ADAM2: variants seen among roughly 807,000 people sequenced by gnomAD.
The protein encoded by ADAM2 is disintegrin and metalloproteinase domain-containing protein 2.
Under a neutral mutation model 99.3 loss-of-function variants are expected in ADAM2, and 101 were observed. The observed-to-expected ratio is 1.02, with a 90% confidence interval of 0.87 to 1.20. ADAM2 has a LOEUF of 1.20. Ranked by LOEUF, ADAM2 falls within the 50% of genes most tolerant of loss-of-function variation. ADAM2 has a pLI of 0.00. For synonymous variants in ADAM2, 323 were observed against 287.6 expected (o/e 1.12, Z -1.25); for missense variants, 948 against 878.7 (o/e 1.08, Z -1.00).
intron 3 of ADAM2, among the ~76,000 whole-genome samples, chr8:39,833,200 G>C (rs1239809956): frequency 6.6e-6 from 1 of 151,854 alleles, no homozygotes; most frequent in African/African-American, 2.4e-5. Flanking sequence ...AAGTAATTTT[G>C]AGTCTTTTTT....
chr8:39,780,023 C>G (rs1290754971), intron 10 of ADAM2, among the ~76,000 whole-genome samples: 2 of 151,962 alleles, frequency 1.3e-5, no homozygotes, highest in African/African-American at 4.8e-5. Flanking sequence ...TAAAGACATA[C>G]CCAAGACTGG....
rs1163870147 is a variant in ADAM2, at chr8:39,782,566, C to T, written c.891+4408G>A. 2.0e-5 allele frequency among the ~76,000 whole-genome samples: 3 copies of T among 152,006 alleles called. No individual in the cohort carries two copies. The East Asian group carries it at 5.8e-4, about 29-fold the overall frequency. On this transcript the variant is annotated intron_variant, in intron 10 of 20. Transcript: ENST00000265708. ...GCTTTAATTGGAGACTCAACTATGC[C>T]AATGGTTCAATGGTGATGCAGATTT... is the stretch of plus-strand genomic sequence containing the variant.
intron 7 of ADAM2, among the ~76,000 whole-genome samples, chr8:39,790,157 C>T (rs996296109): frequency 6.6e-6 from 1 of 151,830 alleles, no homozygotes; most frequent in Non-Finnish European, 1.5e-5. Context: ...ATCTTATAAT[C>T]CAAAAATTCA....
At chr8:39,802,050 C>CTTAA (rs1804238354) in intron 7 of ADAM2, among the ~76,000 whole-genome samples, 2 of 152,192 alleles carry the variant, frequency 1.3e-5, no homozygotes, top group African/African-American at 4.8e-5. Context: ...GTTAGGTAGG[C>CTTAA]TTAAGCATAT....
rs566667077 is a variant in ADAM2, at chr8:39,800,261, TTTTA to T, written c.570+9145_570+9148del. 2.0e-5 allele frequency among the ~76,000 whole-genome samples: 3 copies of T among 152,224 alleles called. No homozygotes were observed. The South Asian group carries it at 6.2e-4, about 32-fold the overall frequency. On this transcript the variant is annotated intron_variant, in intron 7 of 20. Coordinates refer to ENST00000265708, the MANE Select transcript of ADAM2 (RefSeq NM_001464.5). ...TCAGCATTTGCTTGTCTGGAAAGAC[TTTTA>T]TTTCTTTTTCACTTATGATGCTTAA... is the stretch of plus-strand genomic sequence containing the variant.
chr8:39,805,420 C>T (rs189000231), intron 7 of ADAM2, among the ~76,000 whole-genome samples: 9 of 152,076 alleles, frequency 5.9e-5, no homozygotes, highest in Admixed American at 3.9e-4. Flanking sequence ...TGTAGTGAGA[C>T]TCCTGAAATG....
At chr8:39,801,205 G>A (rs1318226837) in intron 7 of ADAM2, among the ~76,000 whole-genome samples, 1 of 152,066 alleles carries the variant, frequency 6.6e-6, no homozygotes, top group Non-Finnish European at 1.5e-5. Flanking sequence ...TTTTTGTGGG[G>A]GCCTTTTGTT....
intron 7 of ADAM2, among the ~76,000 whole-genome samples, chr8:39,802,834 C>A (rs759562001): frequency 2.0e-5 from 3 of 152,092 alleles, no homozygotes; most frequent in African/African-American, 7.2e-5. Flanking sequence ...AAAAAAAAAT[C>A]GTTTGTTCTA....
chr8:39,760,670 G>A (rs1802321148), intron 15 of ADAM2, among the ~76,000 whole-genome samples: 1 of 151,772 alleles, frequency 6.6e-6, no homozygotes, highest in Non-Finnish European at 1.5e-5. Context: ...GCAGTGAGCC[G>A]AGATAGTGCC....
intron 4 of ADAM2, among the ~76,000 whole-genome samples, chr8:39,823,956 C>A (rs904603396): frequency 1.8e-4 from 27 of 151,996 alleles, no homozygotes; most frequent in African/African-American, 6.5e-4. Context: ...GAAAACACAA[C>A]AGCAATTAGT....
At position 39,767,048 on chromosome 8, in the gene ADAM2, T is replaced by C; in HGVS notation, c.1312-5A>G. The C allele has an allele frequency of 6.2e-7, 1 of 1,612,492 alleles. No individual in the cohort carries two copies. Among genetic ancestry groups the C allele is most frequent in the Non-Finnish European group, 8.5e-7 (1 of 1,178,614 alleles). ...CATTCTTTCTTTTGACATAAACTGA[T>C]GGGATGAGGTAAATGATATTGAATT... On this transcript the variant is annotated splice_region_variant and splice_polypyrimidine_tract_variant and intron_variant, in intron 13 of 20. Transcript: ENST00000265708.
At chr8:39,769,255 A>T in intron 12 of ADAM2, 137 bp downstream of exon 12, 1 of 632,752 alleles carries the variant, frequency 1.6e-6, no homozygotes, top group Non-Finnish European at 2.8e-6. Flanking sequence ...ATTAGTTGTT[A>T]TAATACCTAC....
intron 10 of ADAM2, among the ~76,000 whole-genome samples, chr8:39,778,627 A>G (rs549988328): frequency 1.3e-5 from 2 of 152,208 alleles, no homozygotes; most frequent in South Asian, 4.1e-4. Flanking sequence ...CACATTTTAA[A>G]TGTATCATCT....
chr8:39,792,695 C>T (rs775532815), intron 7 of ADAM2, among the ~76,000 whole-genome samples: 6 of 151,834 alleles, frequency 4.0e-5, no homozygotes, highest in Non-Finnish European at 7.4e-5. Context: ...GAAACCATCC[C>T]CAAAGTATTT....
chr8:39,805,166 T>G (rs1804385951), intron 7 of ADAM2, among the ~76,000 whole-genome samples: 1 of 152,136 alleles, frequency 6.6e-6, no homozygotes, highest in Admixed American at 6.5e-5. Flanking sequence ...TCAATCCCAT[T>G]CATGAGGGCT....
intron 4 of ADAM2, among the ~76,000 whole-genome samples, 162 bp from the exon 5 acceptor site, chr8:39,821,824 A>T (rs1347316710): frequency 6.6e-6 from 1 of 152,190 alleles, no homozygotes; most frequent in East Asian, 1.9e-4. Context: ...TTGGTTTTCC[A>T]AAGTACTCCC....
intron 6 of ADAM2, among the ~76,000 whole-genome samples, chr8:39,814,482 C>G (rs1297101723): frequency 1.3e-5 from 2 of 152,058 alleles, no homozygotes; most frequent in African/African-American, 4.8e-5. Context: ...ACAAAGGTTG[C>G]CTTGGCCAAA....
At chr8:39,782,163 A>T (rs535539911) in intron 10 of ADAM2, among the ~76,000 whole-genome samples, 17 of 152,254 alleles carry the variant, frequency 1.1e-4, no homozygotes, top group Admixed American at 7.9e-4. Context: ...TTTCTTGAAG[A>T]TGTCTCTTTT....
intron 14 of ADAM2, 23 bp from the exon 15 acceptor site, chr8:39,761,304 A>G: frequency 7.0e-7 from 1 of 1,419,950 alleles, no homozygotes; most frequent in Non-Finnish European, 9.7e-7. Context: ...AGGTGAGGTT[A>G]GTCATATTAA....
Sources: allele counts gnomAD v4.1 joint callset (sites outside exome capture counted in the v4.1 genomes callset), GRCh38; gene constraint gnomAD v4.1.1; transcripts MANE v1.5; gene names NCBI Gene and HGNC (gene_info 2026-07-23, HGNC 2026-07-21).